The following DIAPH3 variants were observed in gnomAD, a reference collection of about 807,000 sequenced individuals.
DIAPH3 encodes the protein protein diaphanous homolog 3.
Under a neutral mutation model 144.3 loss-of-function variants are expected in DIAPH3, and 117 were observed. The observed-to-expected ratio is 0.81, with a 90% confidence interval of 0.70 to 0.95. DIAPH3 has a LOEUF of 0.95. DIAPH3 is among the 40% of genes least tolerant of loss of function. DIAPH3 has a pLI of 0.00. For missense variants in DIAPH3, 1,421 were observed against 1,412.7 expected (o/e 1.01, Z -0.09); for synonymous variants, 519 against 488.9 (o/e 1.06, Z -0.81).
intron 22 of DIAPH3, among the ~76,000 whole-genome samples, chr13:59,850,812 C>CAAGACT (rs2042923000): frequency 6.8e-6 from 1 of 147,662 alleles, no homozygotes; most frequent in South Asian, 2.2e-4. Flanking sequence ...TACACTCTCC[C>CAAGACT]AAGACTAAAC....
intron 27 of DIAPH3, among the ~76,000 whole-genome samples, chr13:59,724,172 A>C (rs765881221): frequency 4.6e-5 from 7 of 152,204 alleles, no homozygotes; most frequent in Non-Finnish European, 8.8e-5. Flanking sequence ...TTTTTAGTAT[A>C]TGTATACCCT....
At chr13:59,775,507 G>A (rs2038362647) in intron 25 of DIAPH3, among the ~76,000 whole-genome samples, 3 of 152,330 alleles carry the variant, frequency 2.0e-5, no homozygotes, top group East Asian at 3.9e-4. Context: ...CTACCAAAGT[G>A]TTGGGATTAC....
chr13:59,958,029 G>C (rs919679030), intron 17 of DIAPH3, among the ~76,000 whole-genome samples: 3 of 152,184 alleles, frequency 2.0e-5, no homozygotes, highest in African/African-American at 7.2e-5. Flanking sequence ...TGATAGAAGA[G>C]TGGACTGGAA....
intron 2 of DIAPH3, among the ~76,000 whole-genome samples, chr13:60,117,127 T>C (rs17057661): frequency 0.36 from 54,530 of 151,882 alleles, 10,414 homozygotes; most frequent in Admixed American, 0.5. Context: ...TTTGTAAAAG[T>C]AATAACGTTA....
At chr13:59,694,058 T>A (rs1242072586) in intron 27 of DIAPH3, among the ~76,000 whole-genome samples, 1 of 152,192 alleles carries the variant, frequency 6.6e-6, no homozygotes, top group African/African-American at 2.4e-5. Flanking sequence ...TACTCCACTT[T>A]CAATTTGTCT....
intron 27 of DIAPH3, among the ~76,000 whole-genome samples, chr13:59,755,709 G>T (rs2037221120): frequency 6.6e-6 from 1 of 152,062 alleles, no homozygotes; most frequent in Non-Finnish European, 1.5e-5. Flanking sequence ...AAAAAATACA[G>T]TGCCCAGACC....
chr13:59,936,333 A>G (rs1426076631), intron 17 of DIAPH3, among the ~76,000 whole-genome samples: 1 of 152,200 alleles, frequency 6.6e-6, no homozygotes, highest in African/African-American at 2.4e-5. Flanking sequence ...ATAATTAGCA[A>G]CTTTGCTCAT....
chr13:59,773,899 G>A (rs1336293961), intron 27 of DIAPH3, among the ~76,000 whole-genome samples: 1 of 152,174 alleles, frequency 6.6e-6, no homozygotes, highest in African/African-American at 2.4e-5. Flanking sequence ...ATGAGAAAGA[G>A]TGCCTTGGAT....
At chr13:60,033,209 T>C (rs1324713279) in intron 5 of DIAPH3, among the ~76,000 whole-genome samples, 1 of 152,160 alleles carries the variant, frequency 6.6e-6, no homozygotes, top group Non-Finnish European at 1.5e-5. Flanking sequence ...CGCAAGGAAG[T>C]TTCAAACTTT....
intron 1 of DIAPH3, among the ~76,000 whole-genome samples, chr13:60,136,939 C>CA (rs67539072): frequency 2.8e-4 from 42 of 148,760 alleles, no homozygotes; most frequent in East Asian, 1.2e-3. Context: ...GACTCCGTCT[C>CA]AAAAAAAAAA....
intron 1 of DIAPH3, among the ~76,000 whole-genome samples, chr13:60,134,697 C>T (rs1210345465): frequency 6.6e-6 from 1 of 151,904 alleles, no homozygotes; most frequent in Non-Finnish European, 1.5e-5. Flanking sequence ...TTTCAAGTTC[C>T]TGTGAAAAAG....
intron 25 of DIAPH3, among the ~76,000 whole-genome samples, chr13:59,776,846 T>G (rs1056743421): frequency 3.9e-5 from 6 of 151,910 alleles, no homozygotes; most frequent in Non-Finnish European, 7.4e-5. Context: ...AATGGAAATA[T>G]GGAATTGGAG....
intron 17 of DIAPH3, 149 bp from the exon 18 acceptor site, chr13:59,925,019 C>T (rs1026477881): frequency 1.4e-6 from 2 of 1,379,928 alleles, no homozygotes; most frequent in African/African-American, 1.5e-5. Flanking sequence ...ATAGATATCC[C>T]AAGACCTGAA....
Position 59,779,791 on chromosome 13 carries a change from C to T in DIAPH3, c.3164-4968G>A, listed in dbSNP as rs2038637958. On this transcript the variant is annotated intron_variant, in intron 25 of 27. Transcript: ENST00000400324. The stretch of plus-strand genomic sequence containing the variant: ...CTTCCCAAAGTGCTGGGATTACAGG[C>T]ATGAGAGTCACCGCGCACGGCCGAG... Among the ~76,000 whole-genome samples, 3 of 152,196 alleles carry T rather than the reference C, an allele frequency of 2.0e-5. No individual in the cohort carries two copies. In the South Asian group the frequency reaches 6.2e-4, roughly 32 times the overall value.
intron 17 of DIAPH3, among the ~76,000 whole-genome samples, chr13:59,940,782 G>A (rs920828633): frequency 3.8e-4 from 58 of 152,250 alleles, no homozygotes; most frequent in African/African-American, 1.4e-3. Flanking sequence ...AAATGAAAAT[G>A]AGGACTCTGG....
chr13:59,886,010 C>T (rs2045423098), intron 20 of DIAPH3, among the ~76,000 whole-genome samples: 1 of 151,990 alleles, frequency 6.6e-6, no homozygotes, highest in South Asian at 2.1e-4. Context: ...TATTTTAATA[C>T]TTTCGTATGA....
At position 60,010,041 on chromosome 13, in the gene DIAPH3, G is replaced by C. The variant is rs539578724; in HGVS notation, c.908+492C>G. 3.9e-5 allele frequency among the ~76,000 whole-genome samples: 6 copies of C among 152,188 alleles called. No individual in the cohort carries two copies. In the East Asian group the frequency reaches 1.2e-3, roughly 29 times the overall value. ...TAAGTTCTTTACAGCTCTAGTGTGT[G>C]CTTTATGCTCAAGGACTTTGTACCC... On this transcript the variant is annotated intron_variant, in intron 8 of 27. Coordinates refer to ENST00000400324, the MANE Select transcript of DIAPH3 (RefSeq NM_001042517.2).
At chr13:60,068,829 T>C (rs1314866164) in intron 4 of DIAPH3, among the ~76,000 whole-genome samples, 3 of 152,230 alleles carry the variant, frequency 2.0e-5, no homozygotes, top group Admixed American at 6.5e-5. Context: ...TTCATTCTTT[T>C]TTATGCCTGT....
rs532782491 is a variant in DIAPH3 at position 60,073,824 on chromosome 13, A to C, written c.495+19804T>G. ...TAAAATGAATTTTTGTGCTATTCCA[A>C]GTCACATTTAAAAGCTTTGCAAACA... On this transcript the variant is annotated intron_variant, in intron 4 of 27. Coordinates refer to ENST00000400324, the MANE Select transcript of DIAPH3 (RefSeq NM_001042517.2). Among the ~76,000 whole-genome samples the C allele has an allele frequency of 2.6e-5, 4 of 152,322 alleles. No homozygotes were observed. In the South Asian group the frequency reaches 8.3e-4, roughly 32 times the overall value.
Sources: gnomAD v4.1 joint callset for allele counts (sites outside exome capture counted in the v4.1 genomes callset) on GRCh38, gnomAD v4.1.1 for gene constraint, MANE v1.5 for transcripts, NCBI Gene and HGNC (gene_info 2026-07-23, HGNC 2026-07-21) for gene names.